NLRC5: variants seen among roughly 807,000 people sequenced by gnomAD.
The protein encoded by NLRC5 is protein NLRC5.
NLRC5 carries 114 observed loss-of-function variants against 206.9 expected under a neutral mutation model. That is an observed-to-expected ratio of 0.55 (90% CI 0.47 to 0.64). NLRC5 has a LOEUF of 0.64. Ranked by LOEUF, NLRC5 falls within the 30% of genes least tolerant of loss-of-function variation. The pLI, the probability that NLRC5 is intolerant of heterozygous loss-of-function variation, is 0.00. For missense variants in NLRC5, 2,008 were observed against 2,305.5 expected (o/e 0.87, Z 2.64); for synonymous variants, 952 against 962.8 (o/e 0.99, Z 0.21).
intron 33 of NLRC5, among the ~76,000 whole-genome samples, chr16:57,066,297 C>T (rs1207080590): frequency 6.6e-6 from 1 of 151,234 alleles, no homozygotes; most frequent in Non-Finnish European, 1.5e-5. Context: ...AGAGCAAGAC[C>T]CTGTCTCTTT....
chr16:57,078,097 C>A, intron 43 of NLRC5, 77 bp downstream of exon 43: 2 of 1,245,330 alleles, frequency 1.6e-6, no homozygotes, highest in South Asian at 1.5e-5. Context: ...GGTCCAGGCC[C>A]CCATCAGTTG....
rs1555515208 is a variant in NLRC5, at chr16:57,014,927, C to CTTTTTCCT, written c.-127-2142_-127-2141insCCTTTTTT. Among the ~76,000 whole-genome samples, 5 of 146,522 alleles carry CTTTTTCCT rather than the reference C, an allele frequency of 3.4e-5. No individual in the cohort carries two copies. The East Asian group carries it at 7.9e-4, about 23-fold the overall frequency. On this transcript the variant is annotated intron_variant, in intron 1 of 48. Transcript: ENST00000688547. ...GCGCTCTCCAGCCTCTTCCTTTTTC[C>CTTTTTCCT]TTTTTTTTTTTGTTTGTTTGAGATG... is the stretch of plus-strand genomic sequence containing the variant.
Position 57,031,407 on chromosome 16 carries a change from G to A in NLRC5, c.2421G>A (p.Glu807=). The A allele has an allele frequency of 1.9e-6, 3 of 1,613,940 alleles. No individual in the cohort carries two copies. Among genetic ancestry groups the A allele is most frequent in the Non-Finnish European group, 2.5e-6 (3 of 1,179,972 alleles). The part of the protein sequence containing the change: ...CPTVRMLQAR[E]ADLIFLLSPP... Reference sequence around the variant, plus strand: ...GGCTTGGTATCTGATCCTGCAGGGAGGCGGACCTCATCTTCCTTCTTTCCC... The same window carrying A: ...GGCTTGGTATCTGATCCTGCAGGGAAGCGGACCTCATCTTCCTTCTTTCCC... Residue 807 remains glutamate (E), a synonymous_variant, in exon 11 of 49, where the codon GAG becomes GAA. Transcript: ENST00000688547.
rs114523112 is a variant in NLRC5 at position 57,028,015 on chromosome 16, G to A, written c.2076-57G>A. On this transcript the variant is annotated intron_variant, in intron 6 of 48. Coordinates refer to ENST00000688547, the MANE Select transcript of NLRC5 (RefSeq NM_001384950.1). ...CCCATCTCTCTGAGGGGATGGCGAT[G>A]ACTTCTCAGCTCTGCCCAGCACTGA... 7.4e-4 allele frequency: 923 copies of A among 1,244,540 alleles called. 6 individuals are homozygous for A. The African/African-American group carries it at 0.012, about 16-fold the overall frequency. 77.1% of individuals were successfully genotyped at this position (1,244,540 alleles called of 1,614,324 possible). A position where few individuals can be genotyped will look rare whatever the true frequency, so the allele number is the denominator to read the frequency against.
intron 39 of NLRC5, chr16:57,076,071 GC>G: frequency 5.1e-6 from 1 of 195,358 alleles, no homozygotes. Flanking sequence ...GCACCACCAC[GC>G]CCAGATAATT....
In NLRC5 at chr16:56,995,033, G is replaced by A. The variant is rs545828455; in HGVS notation, c.-128+5416G>A. On this transcript the variant is annotated intron_variant, in intron 1 of 48. Coordinates refer to ENST00000688547, the MANE Select transcript of NLRC5 (RefSeq NM_001384950.1). ...CTCCTAAAAATACAAAAATAGCCAGGTGTGGTGGCACGTGACTGTAATCTC... is the reference window on the plus strand; with the variant it reads ...CTCCTAAAAATACAAAAATAGCCAGATGTGGTGGCACGTGACTGTAATCTC... 3.9e-3 allele frequency among the ~76,000 whole-genome samples: 600 copies of A among 152,246 alleles called. 1 individual carries two copies. The highest frequency in any genetic ancestry group is 5.9e-3 in the Non-Finnish European group (400 of 68,016).
At chr16:57,041,068 C>G (rs1432741696) in intron 17 of NLRC5, among the ~76,000 whole-genome samples, 1 of 152,128 alleles carries the variant, frequency 6.6e-6, no homozygotes, top group African/African-American at 2.4e-5. Flanking sequence ...CTGGGGGCTC[C>G]CATCAGCACT....
At chr16:57,008,113 C>T (rs1597118905) in intron 1 of NLRC5, among the ~76,000 whole-genome samples, 1 of 136,488 alleles carries the variant, frequency 7.3e-6, no homozygotes, top group African/African-American at 2.6e-5. Flanking sequence ...TTCAGCCAGG[C>T]ATAGTGGCTC....
rs151217415 is a variant in NLRC5, at chr16:57,055,084, G to A, written c.3649G>A (p.Val1217Met). Reference sequence around the variant, plus strand: ...CAGATCCAACGAGGAGGAGGAAGGCGTGTGCTGTGGGTAAGCCCCCTTGAA... The same window carrying A: ...CAGATCCAACGAGGAGGAGGAAGGCATGTGCTGTGGGTAAGCCCCCTTGAA... ...HFRSNEEEEG[V>M]CCGRFTGCSL... The change falls in exon 26 of 49, where the codon GTG becomes ATG. Residue 1217 changes from valine (V) to methionine (M), a missense_variant. Transcript: ENST00000688547. 434 of 1,614,212 alleles carry A rather than the reference G, an allele frequency of 2.7e-4. 1 individual carries two copies. The highest frequency in any genetic ancestry group is 2.5e-3 in the Admixed American group (150 of 60,032).
intron 39 of NLRC5, 127 bp downstream of exon 39, chr16:57,074,810 C>A: frequency 1.2e-6 from 1 of 848,856 alleles, no homozygotes. Flanking sequence ...CCAGGCCCAT[C>A]CCTGTGCCCT....
chr16:56,995,205 G>A (rs1174338379), intron 1 of NLRC5, among the ~76,000 whole-genome samples: 3 of 152,160 alleles, frequency 2.0e-5, no homozygotes, highest in African/African-American at 4.8e-5. Context: ...AATTAAAGCA[G>A]GAGCCCTCAG....
chr16:56,996,224 A>G (rs1345125675), intron 1 of NLRC5, among the ~76,000 whole-genome samples: 5 of 151,896 alleles, frequency 3.3e-5, no homozygotes, highest in Admixed American at 3.3e-4. Context: ...GCTGGAGTGC[A>G]CTGGTTGCAC....
chr16:57,020,165 A>G lies in NLRC5; in HGVS notation c.-12-536A>G, dbSNP rs539928232. On this transcript the variant is annotated intron_variant, in intron 2 of 48. Transcript: ENST00000688547. ...TCCCTAGAAACTCCCTTATCCCCCAACTCACCTTCCCCAGATCACCTTCCC... is the reference window on the plus strand; with the variant it reads ...TCCCTAGAAACTCCCTTATCCCCCAGCTCACCTTCCCCAGATCACCTTCCC... Among the ~76,000 whole-genome samples, 8 of 149,576 alleles carry G rather than the reference A, an allele frequency of 5.3e-5. No homozygotes were observed. In the South Asian group the frequency reaches 1.7e-3, roughly 32 times the overall value.
intron 18 of NLRC5, 23 bp from the exon 19 acceptor site, chr16:57,041,959 C>A: frequency 6.5e-7 from 1 of 1,533,684 alleles, no homozygotes; most frequent in Non-Finnish European, 8.8e-7. Flanking sequence ...TAATGTTCTC[C>A]CCTCCCTTCT....
chr16:57,030,990 T>C (rs1200806488), intron 10 of NLRC5, among the ~76,000 whole-genome samples: 1 of 152,082 alleles, frequency 6.6e-6, no homozygotes, highest in East Asian at 1.9e-4. Flanking sequence ...GTTCCAGCTA[T>C]TTGGGAGGCT....
chr16:57,058,126 G>A lies in NLRC5; in HGVS notation c.3808G>A (p.Val1270Met), dbSNP rs537725824. The A allele has an allele frequency of 5.6e-6, 9 of 1,610,436 alleles. No homozygotes were observed. The South Asian group carries it at 6.6e-5, about 12-fold the overall frequency. The change falls in exon 28 of 49, where the codon GTG becomes ATG. Residue 1270 changes from valine (V) to methionine (M), a missense_variant. Transcript: ENST00000688547. ...LRCLLECLPQ[V>M]PISGLLDLSH... ...ATGCCTTCTGGAATGTCTGCCGCAG[G>A]TGCCCATCTCCGGTTTGCTTGAGTA...
At position 57,021,880 on chromosome 16, in the gene NLRC5, G is replaced by A. The variant is rs189616449; in HGVS notation, c.296-376G>A. ...AACCCTACTTCAAGGCAGAGTGTGG[G>A]AATTGCGGGGGGCGGGGCGGCGCAT... On this transcript the variant is annotated intron_variant, in intron 3 of 48. Transcript: ENST00000688547. 2.3e-3 allele frequency among the ~76,000 whole-genome samples: 352 copies of A among 152,272 alleles called. 7 individuals are homozygous for A. Among genetic ancestry groups the A allele is most frequent in the Non-Finnish European group, 8.2e-4 (56 of 68,016 alleles).
At chr16:57,061,910 G>A (rs749664933) in intron 32 of NLRC5, 11 of 1,524,064 alleles carry the variant, frequency 7.2e-6, no homozygotes, top group South Asian at 1.2e-5. Flanking sequence ...CTGGAGGCCT[G>A]TGCTTTGGGA....
At chr16:57,049,139 C>G (rs908446685) in intron 23 of NLRC5, among the ~76,000 whole-genome samples, 16 of 151,892 alleles carry the variant, frequency 1.1e-4, no homozygotes, top group African/African-American at 3.9e-4. Context: ...AAAGAAAAAT[C>G]TCATAGTGTT....
Sources: allele counts gnomAD v4.1 joint callset (sites outside exome capture counted in the v4.1 genomes callset), GRCh38; gene constraint gnomAD v4.1.1; transcripts MANE v1.5; gene names NCBI Gene and HGNC (gene_info 2026-07-23, HGNC 2026-07-21).